PPP4R3A: variants seen among roughly 807,000 people sequenced by gnomAD.
The protein encoded by PPP4R3A is protein phosphatase 4 regulatory subunit 3A, also known as serine/threonine-protein phosphatase 4 regulatory subunit 3A.
Under a neutral mutation model 91.7 loss-of-function variants are expected in PPP4R3A, and 15 were observed. The ratio of observed to expected loss-of-function variants is 0.16; its 90% CI spans 0.11 to 0.25. PPP4R3A has a LOEUF of 0.25. Ranked by LOEUF, PPP4R3A falls within the 10% of genes least tolerant of loss-of-function variation. The pLI is 1.00. For missense variants in PPP4R3A, 623 were observed against 998.4 expected (o/e 0.62, Z 5.07); for synonymous variants, 377 against 348.7 (o/e 1.08, Z -0.91).
intron 10 of PPP4R3A, among the ~76,000 whole-genome samples, chr14:91,468,032 G>C (rs1478456412): frequency 6.6e-6 from 1 of 151,940 alleles, no homozygotes; most frequent in Non-Finnish European, 1.5e-5. Flanking sequence ...ATACTACAAA[G>C]CCAGTTCTAA....
At chr14:91,489,723 A>C (rs1890122561) in intron 2 of PPP4R3A, among the ~76,000 whole-genome samples, 1 of 152,236 alleles carries the variant, frequency 6.6e-6, no homozygotes, top group Non-Finnish European at 1.5e-5. Context: ...CAAATATTCC[A>C]GGCTCTAGAT....
At chr14:91,509,147 C>A (rs3783830) in intron 1 of PPP4R3A, among the ~76,000 whole-genome samples, 12,406 of 152,236 alleles carry the variant, frequency 0.081, 1,341 homozygotes, top group African/African-American at 0.25. Context: ...ACTAAGGCAG[C>A]AGATCGGATT....
chr14:91,471,598 A>C (rs1257772910), intron 9 of PPP4R3A, among the ~76,000 whole-genome samples: 2 of 152,164 alleles, frequency 1.3e-5, no homozygotes, highest in East Asian at 1.9e-4. Context: ...TTCTCATCTT[A>C]ATAAAGGTTG....
At chr14:91,475,689 G>T in intron 7 of PPP4R3A, 122 bp downstream of exon 7, 1 of 913,178 alleles carries the variant, frequency 1.1e-6, no homozygotes, top group Non-Finnish European at 1.6e-6. Flanking sequence ...GGAACAATAA[G>T]CTGTCTGATA....
chr14:91,466,450 A>C, intron 10 of PPP4R3A: 2 of 985,708 alleles, frequency 2.0e-6, no homozygotes, highest in Non-Finnish European at 2.4e-6. Flanking sequence ...AAGCAGCTCA[A>C]TTTTTCTTTA....
At chr14:91,494,136 C>T (rs1860555996) in intron 1 of PPP4R3A, among the ~76,000 whole-genome samples, 2 of 152,032 alleles carry the variant, frequency 1.3e-5, no homozygotes, top group South Asian at 2.1e-4. Context: ...TATTCTCAGA[C>T]ACAATCTATC....
chr14:91,474,959 C>T (rs2140098162), intron 7 of PPP4R3A: 1 of 152,226 alleles, frequency 6.6e-6, no homozygotes, highest in Middle Eastern at 3.4e-3. Flanking sequence ...ATTCCATTTC[C>T]TTTTGACATC....
At chr14:91,501,727 C>T (rs1207555487) in intron 1 of PPP4R3A, among the ~76,000 whole-genome samples, 2 of 145,434 alleles carry the variant, frequency 1.4e-5, no homozygotes, top group Admixed American at 1.4e-4. Context: ...TTTTTTGAGA[C>T]GGAATCTCGC....
intron 10 of PPP4R3A, among the ~76,000 whole-genome samples, chr14:91,468,667 CAAAAAAAA>C (rs766250846): frequency 2.2e-5 from 1 of 45,050 alleles, no homozygotes; most frequent in Admixed American, 4.7e-4. Flanking sequence ...GACTCCGTCT[CAAAAAAAA>C]AAAAAAAAAA....
chr14:91,458,642 G>T lies in PPP4R3A; in HGVS notation c.*117C>A. 1 of 1,435,056 alleles carries T rather than the reference G, an allele frequency of 7.0e-7. No individual in the cohort carries two copies. The highest frequency in any genetic ancestry group is 9.8e-7 in the Non-Finnish European group (1 of 1,018,614). The allele number at this position is 1,435,056 out of a possible 1,614,324, so 88.9% of individuals were successfully genotyped here. ...GATGAGCAGAAGTCAAGTGTAAGAG[G>T]CTGATCTGTGTCAGTCATTCACAAG... On this transcript the variant is annotated 3_prime_UTR_variant, in exon 15 of 15. Coordinates refer to ENST00000554943, the MANE Select transcript of PPP4R3A (RefSeq NM_001366432.2).
At chr14:91,463,572 T>C (rs1888293418) in intron 11 of PPP4R3A, among the ~76,000 whole-genome samples, 1 of 151,954 alleles carries the variant, frequency 6.6e-6, no homozygotes, top group Non-Finnish European at 1.5e-5. Context: ...CAGCTAGGAC[T>C]ATCGGCATGC....
intron 4 of PPP4R3A, among the ~76,000 whole-genome samples, chr14:91,479,911 A>C (rs937212816): frequency 4.6e-5 from 7 of 152,226 alleles, no homozygotes; most frequent in Non-Finnish European, 8.8e-5. Context: ...GTGGGATTAC[A>C]GGTATAAGCC....
intron 1 of PPP4R3A, among the ~76,000 whole-genome samples, chr14:91,503,431 T>C (rs1219313469): frequency 2.0e-5 from 3 of 152,166 alleles, no homozygotes; most frequent in Non-Finnish European, 4.4e-5. Context: ...ACTACAGGTG[T>C]TTAACACCAC....
rs571284725 is a variant in PPP4R3A at position 91,461,729 on chromosome 14, A to G, written c.2165-122T>C. On this transcript the variant is annotated intron_variant, in intron 13 of 14. Coordinates refer to ENST00000554943, the MANE Select transcript of PPP4R3A (RefSeq NM_001366432.2). ...CGCTGGGTAGAAACATTGAAGTTCA[A>G]TTTATAAAAGAAGCTTACCAAAATA... The G allele has an allele frequency of 7.3e-5, 76 of 1,045,558 alleles. No homozygotes were observed. In the African/African-American group the frequency reaches 1.1e-3, roughly 16 times the overall value. 64.8% of individuals were successfully genotyped at this position (1,045,558 alleles called of 1,614,324 possible). A position where few individuals can be genotyped will look rare whatever the true frequency, so the allele number is the denominator to read the frequency against.
At chr14:91,507,348 A>G (rs1297350478) in intron 1 of PPP4R3A, among the ~76,000 whole-genome samples, 1 of 109,804 alleles carries the variant, frequency 9.1e-6, no homozygotes, top group South Asian at 2.7e-4. Context: ...CATATTATAT[A>G]TACTATATAG....
At chr14:91,469,767 T>G (rs1888728145) in intron 10 of PPP4R3A, among the ~76,000 whole-genome samples, 1 of 152,076 alleles carries the variant, frequency 6.6e-6, no homozygotes, top group African/African-American at 2.4e-5. Flanking sequence ...TTTCACCATG[T>G]TACCCAGGCT....
Position 91,460,528 on chromosome 14 carries a change from A to G in PPP4R3A, c.2391+853T>C, listed in dbSNP as rs1022459739. 2.0e-5 allele frequency among the ~76,000 whole-genome samples: 3 copies of G among 151,858 alleles called. No homozygotes were observed. In the South Asian group the frequency reaches 6.2e-4, roughly 31 times the overall value. ...TAACTGCTAGTCTGCTAGCCCAATA[A>G]TCAATATATTATGTCTCAAAAGAAA... On this transcript the variant is annotated intron_variant, in intron 14 of 14. Coordinates refer to ENST00000554943, the MANE Select transcript of PPP4R3A (RefSeq NM_001366432.2).
intron 1 of PPP4R3A, among the ~76,000 whole-genome samples, chr14:91,504,253 A>T (rs1891141652): frequency 6.6e-6 from 1 of 151,528 alleles, no homozygotes; most frequent in Non-Finnish European, 1.5e-5. Flanking sequence ...AACTGAGCCC[A>T]GAAGTTTGAG....
chr14:91,503,907 A>T (rs1000535960), intron 1 of PPP4R3A, among the ~76,000 whole-genome samples: 3 of 152,220 alleles, frequency 2.0e-5, no homozygotes, highest in African/African-American at 7.2e-5. Context: ...TACGGCTATC[A>T]TAAAAACTGA....
Sources: allele counts gnomAD v4.1 joint callset (sites outside exome capture counted in the v4.1 genomes callset), GRCh38; gene constraint gnomAD v4.1.1; transcripts MANE v1.5; gene names NCBI Gene and HGNC (gene_info 2026-07-23, HGNC 2026-07-21).